Variants in SGCD observed in about 807,000 individuals in gnomAD.
The protein encoded by SGCD is delta-sarcoglycan.
Under a neutral mutation model 36.6 loss-of-function variants are expected in SGCD, and 18 were observed. That is an observed-to-expected ratio of 0.49 (90% CI 0.34 to 0.73). The LOEUF (loss-of-function observed/expected upper bound fraction) is 0.73. Ranked by LOEUF, SGCD falls within the 30% of genes least tolerant of loss-of-function variation. The probability of loss-of-function intolerance (pLI) is 0.01; values close to 1 mark genes in which losing one functional copy is unlikely to be tolerated. For missense variants in SGCD, 387 were observed against 346.7 expected (o/e 1.12, Z -0.92); for synonymous variants, 133 against 130.6 (o/e 1.02, Z -0.12).
intron 7 of SGCD, among the ~76,000 whole-genome samples, chr5:156,751,137 T>C (rs1757135558): frequency 6.6e-6 from 1 of 152,162 alleles, no homozygotes; most frequent in Non-Finnish European, 1.5e-5. Context: ...GCTACAATAT[T>C]TAATTAAACA....
intron 7 of SGCD, among the ~76,000 whole-genome samples, chr5:156,733,270 G>T (rs1455761123): frequency 7.9e-5 from 12 of 152,004 alleles, no homozygotes; most frequent in African/African-American, 2.9e-4. Flanking sequence ...TAATTTCAAA[G>T]AACTTATTGA....
At chr5:156,199,490 A>G (rs902193663) in intron 3 of SGCD, among the ~76,000 whole-genome samples, 3 of 152,102 alleles carry the variant, frequency 2.0e-5, no homozygotes, top group African/African-American at 7.2e-5. Context: ...TGTCTCACCA[A>G]CCTCAAACTC....
intron 3 of SGCD, among the ~76,000 whole-genome samples, chr5:156,414,388 A>T (rs1252535843): frequency 6.6e-6 from 1 of 152,238 alleles, no homozygotes; most frequent in Non-Finnish European, 1.5e-5. Flanking sequence ...AAACTTAATG[A>T]TGCATATCTT....
At chr5:156,501,457 A>G (rs1023813199) in intron 3 of SGCD, among the ~76,000 whole-genome samples, 5 of 152,136 alleles carry the variant, frequency 3.3e-5, no homozygotes, top group Non-Finnish European at 5.9e-5. Flanking sequence ...TTGCGCTGCT[A>G]CTCTGATTCT....
At chr5:156,383,518 G>T (rs59512108) in intron 3 of SGCD, among the ~76,000 whole-genome samples, 6,021 of 151,566 alleles carry the variant, frequency 0.04, 384 homozygotes, top group African/African-American at 0.14. Context: ...AAAAGAAAAA[G>T]AAAGAAAGAA....
At position 156,040,300 on chromosome 5, in the gene SGCD, G is replaced by A. The variant is rs190928392; in HGVS notation, c.-281-77578G>A. Among the ~76,000 whole-genome samples the A allele has an allele frequency of 6.6e-4, 100 of 152,292 alleles. 1 individual carries two copies. Among genetic ancestry groups the A allele is most frequent in the African/African-American group, 2.2e-3 (91 of 41,548 alleles). ...TTACTGATGAAGCTTAAGCCTTGGC[G>A]TCTCCGACAAGCGGGAGCCCCTTTC... On this transcript the variant is annotated intron_variant, in intron 1 of 9. Transcript: ENST00000517913.
At chr5:155,852,185 C>T in the SGCD span, among the ~76,000 whole-genome samples, 12 of 152,178 alleles carry the variant, frequency 7.9e-5, no homozygotes, top group Non-Finnish European at 1.5e-4. Flanking sequence ...ATGTCTCCTT[C>T]CACCTAAAAA....
At chr5:156,576,463 C>T (rs113980265) in intron 4 of SGCD, among the ~76,000 whole-genome samples, 26,380 of 152,022 alleles carry the variant, frequency 0.17, 2,686 homozygotes, top group African/African-American at 0.27. Context: ...CTGAGTCAAA[C>T]GGTATTTCTA....
At chr5:156,083,616 T>C (rs1484772354) in intron 1 of SGCD, among the ~76,000 whole-genome samples, 1 of 151,820 alleles carries the variant, frequency 6.6e-6, no homozygotes, top group African/African-American at 2.4e-5. Context: ...TTTTTTCCTT[T>C]TATGGCTTGT....
chr5:155,978,847 G>A (rs1486328788), intron 1 of SGCD, among the ~76,000 whole-genome samples: 1 of 152,006 alleles, frequency 6.6e-6, no homozygotes, highest in Non-Finnish European at 1.5e-5. Flanking sequence ...AAAGAGTTAA[G>A]GTGGAAAATT....
chr5:156,683,320 A>G (rs945108090), intron 7 of SGCD, among the ~76,000 whole-genome samples: 3 of 152,228 alleles, frequency 2.0e-5, no homozygotes, highest in Non-Finnish European at 2.9e-5. Context: ...TCATCTTTGT[A>G]TCCATAATTA....
rs139079737 is a variant in SGCD at position 156,450,338 on chromosome 5, C to G, written c.193-58263C>G. The stretch of plus-strand genomic sequence containing the variant: ...AAAAATGTGGACACATGTTTAAAGC[C>G]TGCCCCAGCTCACATAGGTCCTATG... On this transcript the variant is annotated intron_variant, in intron 3 of 8. Transcript: ENST00000337851. 1.9e-3 allele frequency among the ~76,000 whole-genome samples: 291 copies of G among 152,118 alleles called. 1 individual carries two copies. Among genetic ancestry groups the G allele is most frequent in the Non-Finnish European group, 3.6e-3 (246 of 67,976 alleles).
chr5:155,748,404 G>A, the SGCD span, among the ~76,000 whole-genome samples: 2 of 151,930 alleles, frequency 1.3e-5, no homozygotes, highest in African/African-American at 2.4e-5. Context: ...CAGTGATCTT[G>A]TTCTCTATCC....
chr5:156,233,043 G>A (rs1765060806), intron 3 of SGCD, among the ~76,000 whole-genome samples: 1 of 152,130 alleles, frequency 6.6e-6, no homozygotes, highest in Non-Finnish European at 1.5e-5. Context: ...CCTTTTTAAA[G>A]GATAATATGT....
chr5:155,961,280 A>G (rs1032681342), intron 1 of SGCD, among the ~76,000 whole-genome samples: 4 of 152,088 alleles, frequency 2.6e-5, no homozygotes, highest in Non-Finnish European at 4.4e-5. Flanking sequence ...TTTAGATTGT[A>G]TTATTCTGTA....
intron 1 of SGCD, among the ~76,000 whole-genome samples, chr5:156,075,087 A>T (rs374157313): frequency 6.6e-6 from 1 of 152,320 alleles, no homozygotes; most frequent in East Asian, 1.9e-4. Context: ...TACGAAAAGG[A>T]CATCTCTTCA....
intron 1 of SGCD, among the ~76,000 whole-genome samples, chr5:155,921,901 TA>T (rs1756887751): frequency 6.6e-6 from 1 of 152,088 alleles, no homozygotes; most frequent in Admixed American, 6.5e-5. Flanking sequence ...TCGGCTAGAG[TA>T]ATTCAGTTCA....
the SGCD span, among the ~76,000 whole-genome samples, chr5:155,793,264 G>A: frequency 2.6e-5 from 4 of 152,130 alleles, no homozygotes; most frequent in South Asian, 8.3e-4. Context: ...GGAGGCTGGG[G>A]CATAGACTGA....
intron 1 of SGCD, among the ~76,000 whole-genome samples, chr5:155,885,718 A>C (rs1181227288): frequency 6.6e-6 from 1 of 152,248 alleles, no homozygotes; most frequent in Non-Finnish European, 1.5e-5. Context: ...TCAAATGATG[A>C]TTAGCTTTTC....
Sources: gnomAD v4.1 joint callset for allele counts (sites outside exome capture counted in the v4.1 genomes callset) on GRCh38, gnomAD v4.1.1 for gene constraint, MANE v1.5 for transcripts, NCBI Gene and HGNC (gene_info 2026-07-23, HGNC 2026-07-21) for gene names.